The following SEMA3E variants were observed in gnomAD, a reference collection of about 807,000 sequenced individuals.
The protein encoded by SEMA3E is semaphorin 3E.
Under a neutral mutation model 93.6 loss-of-function variants are expected in SEMA3E, and 49 were observed. The ratio of observed to expected loss-of-function variants is 0.52; its 90% CI spans 0.42 to 0.66. The LOEUF is 0.66. Among genes scored for constraint, SEMA3E ranks in the 30% least tolerant of loss-of-function variants. The pLI, the probability that SEMA3E is intolerant of heterozygous loss-of-function variation, is 0.00. For missense variants in SEMA3E, 906 were observed against 964.8 expected, an observed-to-expected ratio of 0.94 and a Z score of 0.81; for synonymous variants, 363 against 330.7, an observed-to-expected ratio of 1.10 and a Z score of -1.06.
chr7:83,492,397 T>A (rs566268183), intron 1 of SEMA3E, among the ~76,000 whole-genome samples: 12 of 152,140 alleles, frequency 7.9e-5, no homozygotes, highest in Non-Finnish European at 1.8e-4. Context: ...CAACTTTTAC[T>A]TGCTTTTATG....
chr7:83,586,823 C>G (rs1004898824), intron 1 of SEMA3E, among the ~76,000 whole-genome samples: 1 of 152,006 alleles, frequency 6.6e-6, no homozygotes, highest in African/African-American at 2.4e-5. Flanking sequence ...AGTACAGACT[C>G]CAGGTTTCCT....
chr7:83,458,150 A>C (rs1294486289), intron 4 of SEMA3E, among the ~76,000 whole-genome samples: 1 of 151,658 alleles, frequency 6.6e-6, no homozygotes, highest in Non-Finnish European at 1.5e-5. Flanking sequence ...AATAATATTC[A>C]ATCATATTTA....
chr7:83,512,347 T>C (rs1034926598), intron 1 of SEMA3E, among the ~76,000 whole-genome samples: 15 of 152,186 alleles, frequency 9.9e-5, no homozygotes, highest in African/African-American at 3.6e-4. Flanking sequence ...AAGCTGTATG[T>C]ACACTGTTAA....
intron 2 of SEMA3E, among the ~76,000 whole-genome samples, chr7:83,483,499 T>G (rs1291633209): frequency 6.6e-6 from 1 of 152,108 alleles, no homozygotes; most frequent in Non-Finnish European, 1.5e-5. Flanking sequence ...CATATTTACT[T>G]TATGCATTTA....
chr7:83,610,997 G>A (rs1459876200), intron 1 of SEMA3E, among the ~76,000 whole-genome samples: 3 of 151,768 alleles, frequency 2.0e-5, no homozygotes, highest in African/African-American at 4.8e-5. Flanking sequence ...GAAATTCCGA[G>A]TTCCCCCACC....
chr7:83,498,095 T>C (rs1015762787), intron 1 of SEMA3E, among the ~76,000 whole-genome samples: 9 of 152,190 alleles, frequency 5.9e-5, no homozygotes, highest in Non-Finnish European at 1.0e-4. Flanking sequence ...ATGGTTTTCT[T>C]AACATTTTCT....
chr7:83,603,398 T>G (rs1793039695), intron 1 of SEMA3E, among the ~76,000 whole-genome samples: 2 of 152,196 alleles, frequency 1.3e-5, no homozygotes, highest in South Asian at 2.1e-4. Flanking sequence ...TTGAAAAAAT[T>G]TATGCTATGA....
chr7:83,527,844 A>C (rs990253761), intron 1 of SEMA3E, among the ~76,000 whole-genome samples: 1 of 152,174 alleles, frequency 6.6e-6, no homozygotes, highest in African/African-American at 2.4e-5. Context: ...GTGGCAATTA[A>C]TATAAAAATA....
chr7:83,591,224 CAGAATTATTTATTTTTAA>C (rs1792751774), intron 1 of SEMA3E, among the ~76,000 whole-genome samples: 2 of 151,614 alleles, frequency 1.3e-5, no homozygotes, highest in South Asian at 4.2e-4. Context: ...AACACACTCT[CAGAATTATTTATTTTTAA>C]AGTATTTTGA....
At chr7:83,378,138 C>T (rs1029493907) in intron 16 of SEMA3E, among the ~76,000 whole-genome samples, 1 of 150,584 alleles carries the variant, frequency 6.6e-6, no homozygotes, top group African/African-American at 2.4e-5. Context: ...CAGATTAAAA[C>T]TATATGTGGA....
chr7:83,485,216 A>G (rs924285169), intron 2 of SEMA3E, among the ~76,000 whole-genome samples: 2 of 152,238 alleles, frequency 1.3e-5, no homozygotes, highest in African/African-American at 4.8e-5. Flanking sequence ...AAATTGTGCT[A>G]TATTCATATG....
intron 16 of SEMA3E, chr7:83,371,478 T>G (rs991365018): frequency 6.6e-6 from 1 of 152,196 alleles, no homozygotes; most frequent in Non-Finnish European, 1.5e-5. Context: ...TAAATAAACA[T>G]TTTAATGATG....
chr7:83,406,529 A>G (rs1057397810), intron 7 of SEMA3E, among the ~76,000 whole-genome samples: 2 of 151,852 alleles, frequency 1.3e-5, no homozygotes, highest in Non-Finnish European at 2.9e-5. Flanking sequence ...TACACCACAC[A>G]CACAATATAT....
At position 83,505,987 on chromosome 7, in the gene SEMA3E, C is replaced by T. The variant is rs1790696131; in HGVS notation, c.116-15713G>A. On this transcript the variant is annotated intron_variant, in intron 1 of 16. Coordinates refer to ENST00000643230, the MANE Select transcript of SEMA3E (RefSeq NM_012431.3). The stretch of plus-strand genomic sequence containing the variant: ...CTGAGATGGCACCACTGCACTCCAG[C>T]CTGGGCAACAGTGCTAGACTCCGTC... Among the ~76,000 whole-genome samples, 3 of 140,042 alleles carry T rather than the reference C, an allele frequency of 2.1e-5. No homozygotes were observed. The South Asian group carries it at 6.7e-4, about 31-fold the overall frequency. The allele number at this position is 140,042 out of a possible 152,430, so 91.9% of individuals were successfully genotyped here. A position where few individuals can be genotyped will look rare whatever the true frequency, so the allele number is the denominator to read the frequency against.
At chr7:83,519,691 G>A (rs1307931739) in intron 1 of SEMA3E, among the ~76,000 whole-genome samples, 1 of 152,030 alleles carries the variant, frequency 6.6e-6, no homozygotes, top group East Asian at 1.9e-4. Flanking sequence ...TTTAATCACT[G>A]TTTTTCTTAT....
chr7:83,636,079 A>G (rs1339697924), intron 1 of SEMA3E, among the ~76,000 whole-genome samples: 1 of 152,154 alleles, frequency 6.6e-6, no homozygotes, highest in Non-Finnish European at 1.5e-5. Flanking sequence ...GGAGATCATG[A>G]TTGGAGCAAG....
intron 1 of SEMA3E, among the ~76,000 whole-genome samples, chr7:83,518,877 T>C (rs1790987144): frequency 6.6e-6 from 1 of 152,142 alleles, no homozygotes; most frequent in Admixed American, 6.6e-5. Context: ...CCCCACTTCA[T>C]AGCATAATGA....
At chr7:83,461,238 C>T (rs936654459) in intron 4 of SEMA3E, among the ~76,000 whole-genome samples, 1 of 152,110 alleles carries the variant, frequency 6.6e-6, no homozygotes, top group Non-Finnish European at 1.5e-5. Context: ...CCAAATCTTC[C>T]TTCTTTCCCT....
chr7:83,536,880 C>A (rs1374138432), intron 1 of SEMA3E, among the ~76,000 whole-genome samples: 1 of 152,152 alleles, frequency 6.6e-6, no homozygotes, highest in South Asian at 2.1e-4. Flanking sequence ...ATTGTGTCCC[C>A]ACAAATTTTG....
Sources: allele counts gnomAD v4.1 joint callset (sites outside exome capture counted in the v4.1 genomes callset), GRCh38; gene constraint gnomAD v4.1.1; transcripts MANE v1.5; gene names NCBI Gene and HGNC (gene_info 2026-07-23, HGNC 2026-07-21).